Variants in RPS9 observed in about 807,000 individuals in gnomAD.
RPS9 encodes the protein small ribosomal subunit protein uS4.
Under a neutral mutation model 16.9 loss-of-function variants are expected in RPS9, and 1 was observed. That is an observed-to-expected ratio of 0.06 (90% CI 0.02 to 0.28). The LOEUF is 0.28. Ranked by LOEUF, RPS9 falls within the 10% of genes least tolerant of loss-of-function variation. The pLI is 1.00. For synonymous variants in RPS9, 106 were observed against 110.9 expected (o/e 0.96, Z 0.28); for missense variants, 137 against 273.2 (o/e 0.50, Z 3.51).
At chr19:54,202,590 T>C in intron 3 of RPS9, 2 of 985,172 alleles carry the variant, frequency 2.0e-6, no homozygotes, top group Non-Finnish European at 2.4e-6. Flanking sequence ...AAATGTACCA[T>C]CTTAACCATC....
chr19:54,204,347 G>T (rs553176102), intron 3 of RPS9, among the ~76,000 whole-genome samples: 5 of 152,208 alleles, frequency 3.3e-5, no homozygotes, highest in African/African-American at 1.2e-4. Flanking sequence ...CCTGGGCAAC[G>T]AGAGCGAAAC....
rs4806722 is a variant in RPS9 at position 54,207,239 on chromosome 19, C to A, written c.408-159C>A. On this transcript the variant is annotated intron_variant, in intron 4 of 4. Coordinates refer to ENST00000302907, the MANE Select transcript of RPS9 (RefSeq NM_001013.4). ...GGATTAAGGTGATACCCTAAAACCC[C>A]GGAGGGCGCACGTAGGATCAGGTGC... The A allele has an allele frequency of 4.5e-3, 2,758 of 606,852 alleles. 33 individuals are homozygous for A. The highest frequency in any genetic ancestry group is 0.032 in the African/African-American group (1,745 of 53,828). 37.6% of individuals were successfully genotyped at this position (606,852 alleles called of 1,614,324 possible). A position where few individuals can be genotyped will look rare whatever the true frequency, so the allele number is the denominator to read the frequency against.
intron 4 of RPS9, 192 bp from the exon 5 acceptor site, chr19:54,207,206 A>G: frequency 1.8e-6 from 1 of 542,956 alleles, no homozygotes; most frequent in Non-Finnish European, 3.2e-6. Flanking sequence ...CATCTGAAGC[A>G]TTTTTGGGGA....
chr19:54,201,956 C>T (rs576795523), intron 3 of RPS9: 2 of 278,984 alleles, frequency 7.2e-6, no homozygotes, highest in African/African-American at 2.2e-5. Context: ...AATTTCTGGG[C>T]TAAGTGATGG....
chr19:54,202,814 C>T (rs1324503263), intron 3 of RPS9: 1 of 985,244 alleles, frequency 1.0e-6, no homozygotes, highest in Non-Finnish European at 1.2e-6. Context: ...AGTCCTGGCG[C>T]ATGTTTAGCT....
intron 3 of RPS9, chr19:54,202,986 C>G (rs1600750200): frequency 1.0e-6 from 1 of 972,350 alleles, no homozygotes; most frequent in Admixed American, 6.2e-5. Flanking sequence ...GTGTAAGCCA[C>G]CGCACCTGAC....
chr19:54,200,864 C>G lies in RPS9; in HGVS notation c.-50C>G, dbSNP rs1236949280. 19 of 1,075,260 alleles carry G rather than the reference C, an allele frequency of 1.8e-5. No individual in the cohort carries two copies. Among genetic ancestry groups the G allele is most frequent in the Non-Finnish European group, 2.2e-5 (19 of 882,108 alleles). The allele number at this position is 1,075,260 out of a possible 1,614,324, so 66.6% of individuals were successfully genotyped here. ...AGCCGTGGCGCTTCCGCGCCTCTTT[C>G]TCAGTGACCGGGTGGTTTGCTTAGG... On this transcript the variant is annotated 5_prime_UTR_variant, in exon 1 of 5. Transcript: ENST00000302907.
At chr19:54,207,074 G>A (rs139539081) in intron 4 of RPS9, 42 of 460,288 alleles carry the variant, frequency 9.1e-5, no homozygotes, top group African/African-American at 7.4e-4. Context: ...CTCAGTGTCA[G>A]GTGTGGGGTT....
At chr19:54,205,534 G>A (rs2077211601) in intron 3 of RPS9, among the ~76,000 whole-genome samples, 1 of 151,976 alleles carries the variant, frequency 6.6e-6, no homozygotes, top group African/African-American at 2.4e-5. Context: ...TTTATGGCAC[G>A]GAATGTGATT....
intron 3 of RPS9, among the ~76,000 whole-genome samples, chr19:54,204,598 C>G (rs2077178535): frequency 6.6e-6 from 1 of 152,086 alleles, no homozygotes; most frequent in South Asian, 2.1e-4. Context: ...TGTTTTGGTA[C>G]AAATGCGGTC....
intron 1 of RPS9, 130 bp from the exon 2 acceptor site, chr19:54,201,030 A>G: frequency 6.8e-7 from 1 of 1,471,814 alleles, no homozygotes; most frequent in Non-Finnish European, 9.0e-7. Flanking sequence ...GTGGGGGCAG[A>G]TACTGACTAT....
intron 3 of RPS9, among the ~76,000 whole-genome samples, chr19:54,203,950 C>T (rs1433446102): frequency 6.6e-6 from 1 of 152,108 alleles, no homozygotes; most frequent in Non-Finnish European, 1.5e-5. Context: ...GTGCATTGGC[C>T]CAGTGGAGCC....
intron 3 of RPS9, among the ~76,000 whole-genome samples, chr19:54,205,387 T>C (rs897302067): frequency 2.0e-5 from 3 of 151,438 alleles, no homozygotes; most frequent in African/African-American, 7.3e-5. Context: ...CAGTGCATTG[T>C]TAGGTTATAT....
At chr19:54,201,381 T>A in intron 2 of RPS9, 100 bp downstream of exon 2, 2 of 1,606,694 alleles carry the variant, frequency 1.2e-6, no homozygotes, top group African/African-American at 1.3e-5. Context: ...TCCCCTAAAT[T>A]TGGTACTATT....
intron 3 of RPS9, chr19:54,202,107 C>G (rs550250907): frequency 6.5e-6 from 1 of 154,860 alleles, no homozygotes; most frequent in Admixed American, 6.4e-5. Context: ...CTGCAACCCC[C>G]GCCTCCTGGG....
Position 54,206,402 on chromosome 19 carries a change from A to G in RPS9, c.347A>G (p.Lys116Arg). The change falls in exon 4 of 5, where the codon AAG becomes AGG. Residue 116 changes from lysine to arginine, a missense_variant. By Grantham distance (26) the Lys-to-Arg change is conservative (BLOSUM62 2). Coordinates refer to ENST00000302907, the MANE Select transcript of RPS9 (RefSeq NM_001013.4). Reference sequence around the variant, plus strand: ...AGACGCCTGCAGACCCAGGTCTTCAAGCTGGGCTTGGCCAAGTCCATCCAC... The same window carrying G: ...AGACGCCTGCAGACCCAGGTCTTCAGGCTGGGCTTGGCCAAGTCCATCCAC... ...LERRLQTQVF[K>R]LGLAKSIHHA... The G allele has an allele frequency of 1.2e-6, 2 of 1,614,248 alleles. No individual in the cohort carries two copies. The highest frequency in any genetic ancestry group is 1.1e-5 in the South Asian group (1 of 91,090).
chr19:54,204,288 C>T (rs34868797), intron 3 of RPS9, among the ~76,000 whole-genome samples: 46,441 of 151,948 alleles, frequency 0.31, 8,345 homozygotes, highest in East Asian at 0.43. Flanking sequence ...CAGGAGAATC[C>T]CAGGAGGCGG....
At chr19:54,207,364 C>A in intron 4 of RPS9, 34 bp from the exon 5 acceptor site, 1 of 1,571,746 alleles carries the variant, frequency 6.4e-7, no homozygotes, top group Non-Finnish European at 8.7e-7. Flanking sequence ...GTCCGTTTCT[C>A]CTCCAGTCCA....
At chr19:54,203,468 T>C in intron 3 of RPS9, 1 of 235,208 alleles carries the variant, frequency 4.3e-6, no homozygotes, top group Non-Finnish European at 6.9e-6. Flanking sequence ...TGGCAGTTAA[T>C]AATCAACAGA....
Sources: allele counts gnomAD v4.1 joint callset (sites outside exome capture counted in the v4.1 genomes callset), GRCh38; gene constraint gnomAD v4.1.1; transcripts MANE v1.5; gene names NCBI Gene and HGNC (gene_info 2026-07-23, HGNC 2026-07-21).